TEAD4: variants seen among roughly 807,000 people sequenced by gnomAD.
The protein encoded by TEAD4 is TEA domain transcription factor 4, also known as transcriptional enhancer factor TEF-3.
A neutral mutation model predicts 52.4 loss-of-function variants in TEAD4; 36 were observed. The ratio of observed to expected loss-of-function variants is 0.69; its 90% CI spans 0.53 to 0.91. The LOEUF is 0.91. TEAD4 is among the 40% of genes least tolerant of loss of function. TEAD4 has a pLI of 0.00. For synonymous variants in TEAD4, 220 were observed against 231.0 expected (o/e 0.95, Z 0.43); for missense variants, 508 against 583.9 (o/e 0.87, Z 1.34).
chr12:2,977,648 A>G (rs185265309), intron 2 of TEAD4, among the ~76,000 whole-genome samples: 43 of 152,334 alleles, frequency 2.8e-4, no homozygotes, highest in African/African-American at 8.9e-4. Flanking sequence ...GGGGAGGTTC[A>G]GTAAGTTGCT....
At chr12:3,008,108 G>A (rs2098257353) in intron 3 of TEAD4, among the ~76,000 whole-genome samples, 1 of 152,112 alleles carries the variant, frequency 6.6e-6, no homozygotes, top group South Asian at 2.1e-4. Flanking sequence ...CGGGGGTGAG[G>A]GCACAGACAG....
At position 2,994,882 on chromosome 12, in the gene TEAD4, C is replaced by A. The variant is rs1052141; in HGVS notation, c.116C>A (p.Ala39Glu). 6.2e-7 allele frequency: 1 copy of A among 1,614,162 alleles called. No homozygotes were observed. Among genetic ancestry groups the A allele is most frequent in the South Asian group, 1.1e-5 (1 of 91,090 alleles). ...CTGGACAAGCCCATCGACAATGACG[C>A]AGAGGGCGTGTGGAGCCCGGATATT... Residue 39 changes from alanine (A) to glutamate (E), a missense_variant, in exon 3 of 13, where the codon GCA (alanine) becomes GAA (glutamate). Physicochemically the swap from Ala to Glu is moderately radical, Grantham distance 107. Transcript: ENST00000359864. This position sits in a 1 kb window ranked among gnomAD's most constrained non-coding sequence, Gnocchi z 4.7.
chr12:2,990,613 G>T (rs1211073313), intron 2 of TEAD4, among the ~76,000 whole-genome samples: 1 of 151,800 alleles, frequency 6.6e-6, no homozygotes, highest in East Asian at 1.9e-4. Context: ...TTACAGGCGT[G>T]TGCCACCATG....
chr12:3,033,080 C>T (rs2098276793), intron 10 of TEAD4, among the ~76,000 whole-genome samples: 1 of 152,188 alleles, frequency 6.6e-6, no homozygotes, highest in South Asian at 2.1e-4. Flanking sequence ...TCCTGCCTGG[C>T]TGTTTTCTCA....
At chr12:2,972,585 C>T (rs918879587) in intron 2 of TEAD4, among the ~76,000 whole-genome samples, 2 of 147,588 alleles carry the variant, frequency 1.4e-5, no homozygotes, top group African/African-American at 5.1e-5. Context: ...CTGCAACCTC[C>T]GCCTCCTGGG....
At position 3,017,480 on chromosome 12, in the gene TEAD4, G is replaced by A; in HGVS notation, c.437G>A (p.Ser146Asn). 1 of 1,614,160 alleles carries A rather than the reference G, an allele frequency of 6.2e-7. No homozygotes were observed. The highest frequency in any genetic ancestry group is 8.5e-7 in the Non-Finnish European group (1 of 1,180,040). The stretch of plus-strand genomic sequence containing the variant: ...ATCATCTCCGCCACGGCCTTCCACA[G>A]TAGCATGGCCCTCGCCCGGGGCCCC... Residue 146 changes from serine (S) to asparagine (N), a missense_variant, in exon 6 of 13, where the codon AGT (serine) becomes AAT (asparagine). Ser to Asn is a conservative substitution (Grantham distance 46). Coordinates refer to ENST00000359864, the MANE Select transcript of TEAD4 (RefSeq NM_003213.4).
Position 2,969,522 on chromosome 12 carries a change from G to T in TEAD4, c.-30+9482G>T, listed in dbSNP as rs141745067. Among the ~76,000 whole-genome samples, 44 of 152,292 alleles carry T rather than the reference G, an allele frequency of 2.9e-4. No individual in the cohort carries two copies. The East Asian group carries it at 8.1e-3, about 28-fold the overall frequency. ...CTCTGCCCTGCATGGGAAAGGACTA[G>T]GTCACCTCCAGGGCCACTGCTTCCT... On this transcript the variant is annotated intron_variant, in intron 2 of 12. Transcript: ENST00000359864.
chr12:3,023,495 A>G (rs1008575921), intron 10 of TEAD4, among the ~76,000 whole-genome samples: 29 of 152,120 alleles, frequency 1.9e-4, no homozygotes, highest in African/African-American at 6.8e-4. Flanking sequence ...ATTTAACGAA[A>G]GAGAATGAAG....
intron 2 of TEAD4, among the ~76,000 whole-genome samples, chr12:2,976,789 C>G (rs111911981): frequency 3.9e-5 from 6 of 151,902 alleles, no homozygotes; most frequent in African/African-American, 1.2e-4. Flanking sequence ...CATTGCCGCC[C>G]GGGCCTGGGG....
chr12:3,037,155 G>C (rs544349741), intron 10 of TEAD4, among the ~76,000 whole-genome samples: 9 of 152,350 alleles, frequency 5.9e-5, no homozygotes, highest in Non-Finnish European at 1.2e-4. Flanking sequence ...AGCTGACCTA[G>C]AGGACCAGTG....
At chr12:3,011,171 GGGGCGGCA>G in intron 4 of TEAD4, 103 bp downstream of exon 4, 2 of 1,191,180 alleles carry the variant, frequency 1.7e-6, no homozygotes, top group Non-Finnish European at 2.4e-6. Flanking sequence ...AGGCTTTTGA[GGGGCGGCA>G]GCTCTGGATG....
intron 2 of TEAD4, among the ~76,000 whole-genome samples, chr12:2,963,004 T>G (rs1193640041): frequency 1.3e-5 from 2 of 152,110 alleles, no homozygotes; most frequent in Non-Finnish European, 1.5e-5. Flanking sequence ...GTCGCTCAGA[T>G]AAGGTTGGTA....
At chr12:2,993,334 T>C (rs1265027084) in intron 2 of TEAD4, among the ~76,000 whole-genome samples, 2 of 152,210 alleles carry the variant, frequency 1.3e-5, no homozygotes, top group Non-Finnish European at 2.9e-5. Flanking sequence ...TTAAGAACAT[T>C]TTGTAAAAAA....
At chr12:3,023,866 G>T (rs2098270367) in intron 10 of TEAD4, among the ~76,000 whole-genome samples, 1 of 151,288 alleles carries the variant, frequency 6.6e-6, no homozygotes, top group African/African-American at 2.4e-5. Context: ...ATCCCCAAAG[G>T]TAGTCACTGC....
chr12:3,000,935 G>A (rs1243256823), intron 3 of TEAD4, among the ~76,000 whole-genome samples: 1 of 152,172 alleles, frequency 6.6e-6, no homozygotes, highest in Non-Finnish European at 1.5e-5. Flanking sequence ...GTTTCACCTG[G>A]GCTCCTGCCC....
chr12:2,974,421 G>A (rs2153953050), intron 2 of TEAD4, among the ~76,000 whole-genome samples: 1 of 152,334 alleles, frequency 6.6e-6, no homozygotes, highest in East Asian at 1.9e-4. Context: ...CAGGATGGAT[G>A]CCGCCTCCCA....
intron 10 of TEAD4, among the ~76,000 whole-genome samples, chr12:3,025,740 T>A (rs1189340016): frequency 6.6e-6 from 1 of 152,166 alleles, no homozygotes; most frequent in Non-Finnish European, 1.5e-5. Context: ...TTTTTCAGTG[T>A]TGGCCAGGCT....
intron 2 of TEAD4, among the ~76,000 whole-genome samples, chr12:2,960,626 C>G (rs986306398): frequency 2.0e-5 from 3 of 152,202 alleles, no homozygotes; most frequent in Admixed American, 6.6e-5. Flanking sequence ...TGGGTGATGT[C>G]TGTTCACGTG....
intron 2 of TEAD4, among the ~76,000 whole-genome samples, chr12:2,985,931 C>CA (rs1405164825): frequency 5.3e-5 from 8 of 150,954 alleles, no homozygotes; most frequent in Non-Finnish European, 8.9e-5. Flanking sequence ...TAAAAAAATA[C>CA]AAAAAATTAG....
Sources: allele counts gnomAD v4.1 joint callset (sites outside exome capture counted in the v4.1 genomes callset), GRCh38; gene constraint gnomAD v4.1.1; non-coding constraint Gnocchi (gnomAD v3.1); transcripts MANE v1.5; gene names NCBI Gene and HGNC (gene_info 2026-07-23, HGNC 2026-07-21).